The following EDN1 variants were observed in gnomAD, a reference collection of about 807,000 sequenced individuals.
EDN1 encodes endothelin-1.
In EDN1, 11 loss-of-function variants were observed where a neutral mutation model predicts 21.7. That is an observed-to-expected ratio of 0.51 (90% CI 0.32 to 0.84). The LOEUF (loss-of-function observed/expected upper bound fraction) is 0.84, where lower values mean the gene tolerates loss of function less well. Ranked by LOEUF, EDN1 falls within the 40% of genes least tolerant of loss-of-function variation. The pLI is 0.03. For missense variants in EDN1, 244 were observed against 262.3 expected (o/e 0.93, Z 0.48); for synonymous variants, 85 against 90.6 (o/e 0.94, Z 0.35).
chr6:12,287,728 A>T (rs1165907948), upstream of EDN1, among the ~76,000 whole-genome samples: 17 of 148,246 alleles, frequency 1.1e-4, no homozygotes, highest in African/African-American at 3.8e-4. Context: ...ACACACACAC[A>T]CACACACACA....
the EDN1 span, among the ~76,000 whole-genome samples, chr6:12,256,083 C>A: frequency 6.6e-6 from 1 of 152,066 alleles, no homozygotes; most frequent in East Asian, 1.9e-4. Context: ...CAGTAGCTCA[C>A]GCTTGTAATC....
chr6:12,255,472 ACTCT>A, the EDN1 span, among the ~76,000 whole-genome samples: 272 of 152,304 alleles, frequency 1.8e-3, 1 homozygote, highest in African/African-American at 6.3e-3. Flanking sequence ...GAGTAGAGGT[ACTCT>A]CTCTCATTAA....
chr6:12,278,521 A>G, the EDN1 span, among the ~76,000 whole-genome samples: 1 of 152,160 alleles, frequency 6.6e-6, no homozygotes, highest in South Asian at 2.1e-4. Flanking sequence ...TCTGAGCCAT[A>G]TATATCATTC....
At chr6:12,245,140 T>C in the EDN1 span, among the ~76,000 whole-genome samples, 2 of 152,234 alleles carry the variant, frequency 1.3e-5, no homozygotes, top group Non-Finnish European at 2.9e-5. Flanking sequence ...AATAAGTGGC[T>C]ACAAACTCCA....
upstream of EDN1, among the ~76,000 whole-genome samples, chr6:12,290,187 CCTCTGAAGTTAGCAGTGATTTCCT>C (rs1762635501): frequency 6.6e-6 from 1 of 152,188 alleles, no homozygotes; most frequent in South Asian, 2.1e-4. Flanking sequence ...CGGGCGTCTG[CCTCTGAAGTTAGCAGTGATTTCCT>C]TTCGGGCCTG....
Position 12,292,374 on chromosome 6 carries a change from A to G in EDN1, c.98A>G (p.Glu33Gly), listed in dbSNP as rs1474510268. ...VLGAELSAVGENGGEKPTPSP... is the reference protein window; with the variant it reads ...VLGAELSAVGGNGGEKPTPSP... ...GGCGCTGAGCTCAGCGCGGTGGGTG[A>G]GAACGGCGGGGAGAAACCCACTCCC... Residue 33 changes from glutamate to glycine, a missense_variant, in exon 2 of 5, where the codon GAG (glutamate) becomes GGG (glycine). Transcript: ENST00000379375. The G allele has an allele frequency of 1.2e-6, 2 of 1,614,038 alleles. No individual in the cohort carries two copies. Among genetic ancestry groups the G allele is most frequent in the Non-Finnish European group, 1.7e-6 (2 of 1,180,046 alleles).
the EDN1 span, among the ~76,000 whole-genome samples, chr6:12,243,936 G>T: frequency 6.6e-6 from 1 of 151,994 alleles, no homozygotes; most frequent in African/African-American, 2.4e-5. Flanking sequence ...TTAGTTACTC[G>T]TGATGGAAAC....
At chr6:12,290,162 CG>C (rs1762634961), upstream of EDN1, among the ~76,000 whole-genome samples, 1 of 152,116 alleles carries the variant, frequency 6.6e-6, no homozygotes, top group Non-Finnish European at 1.5e-5. Flanking sequence ...GCCCTGCCCC[CG>C]AATTGTCAGA....
the EDN1 span, among the ~76,000 whole-genome samples, chr6:12,284,563 A>AAAGC: frequency 3.3e-5 from 5 of 149,736 alleles, no homozygotes; most frequent in South Asian, 2.1e-4. Context: ...GAAGGAAGGA[A>AAAGC]AAGCAAGCAA....
At chr6:12,295,672 C>T (rs951914301) in intron 4 of EDN1, among the ~76,000 whole-genome samples, 4 of 152,098 alleles carry the variant, frequency 2.6e-5, no homozygotes, top group African/African-American at 4.8e-5. Flanking sequence ...GATGGGGCTA[C>T]GGAAGAAACC....
chr6:12,271,023 C>T, the EDN1 span, among the ~76,000 whole-genome samples: 1 of 152,112 alleles, frequency 6.6e-6, no homozygotes, highest in African/African-American at 2.4e-5. Context: ...TTTCTCTTTG[C>T]ATGGAATATG....
the EDN1 span, among the ~76,000 whole-genome samples, chr6:12,247,167 G>T: frequency 6.6e-6 from 1 of 152,178 alleles, no homozygotes; most frequent in African/African-American, 2.4e-5. Context: ...CTCCTGCCAT[G>T]CCACAGGTGG....
At chr6:12,289,309 A>AC (rs527716815), upstream of EDN1, among the ~76,000 whole-genome samples, 38 of 151,472 alleles carry the variant, frequency 2.5e-4, no homozygotes, top group East Asian at 1.4e-3. Context: ...AAATGAAGAC[A>AC]CCCCCCCAAA....
the EDN1 span, among the ~76,000 whole-genome samples, chr6:12,243,780 A>G: frequency 3.9e-5 from 6 of 152,232 alleles, no homozygotes; most frequent in Non-Finnish European, 7.3e-5. Flanking sequence ...GTGGATGAGT[A>G]AACTGTACCA....
At chr6:12,233,905 A>T in the EDN1 span, among the ~76,000 whole-genome samples, 2 of 152,192 alleles carry the variant, frequency 1.3e-5, no homozygotes, top group Non-Finnish European at 2.9e-5. Context: ...ACCACACAGC[A>T]CAAGTGTAGG....
the EDN1 span, among the ~76,000 whole-genome samples, chr6:12,246,053 C>T: frequency 6.6e-6 from 1 of 152,122 alleles, no homozygotes; most frequent in Non-Finnish European, 1.5e-5. Flanking sequence ...ATTGCATATA[C>T]CTCTATGGTG....
the EDN1 span, among the ~76,000 whole-genome samples, chr6:12,232,494 C>T: frequency 7.2e-5 from 11 of 152,180 alleles, no homozygotes; most frequent in Admixed American, 5.9e-4. Flanking sequence ...AAATGCAGCG[C>T]TCCCCCAAAT....
chr6:12,248,105 A>G, the EDN1 span, among the ~76,000 whole-genome samples: 3 of 152,144 alleles, frequency 2.0e-5, no homozygotes, highest in African/African-American at 7.2e-5. Flanking sequence ...CACAAGTCTA[A>G]ACTGAGAACA....
the EDN1 span, among the ~76,000 whole-genome samples, chr6:12,234,582 G>A: frequency 6.6e-6 from 1 of 152,184 alleles, no homozygotes; most frequent in Non-Finnish European, 1.5e-5. Flanking sequence ...TCTTTCTGAA[G>A]CAAAAGTCTC....
Sources: allele counts gnomAD v4.1 joint callset (sites outside exome capture counted in the v4.1 genomes callset), GRCh38; gene constraint gnomAD v4.1.1; transcripts MANE v1.5; gene names NCBI Gene and HGNC (gene_info 2026-07-23, HGNC 2026-07-21).